The following SH3PXD2A variants were observed in gnomAD, a reference collection of about 807,000 sequenced individuals.
SH3PXD2A encodes SH3 and PX domains 2A.
SH3PXD2A carries 32 observed loss-of-function variants against 115.2 expected under a neutral mutation model. That is an observed-to-expected ratio of 0.28 (90% CI 0.21 to 0.37). The LOEUF is 0.37. SH3PXD2A is among the 10% of genes least tolerant of loss of function. The pLI, the probability that SH3PXD2A is intolerant of heterozygous loss-of-function variation, is 1.00. For synonymous variants in SH3PXD2A, 610 were observed against 629.1 expected, an observed-to-expected ratio of 0.97 and a Z score of 0.45; for missense variants, 1,328 against 1,498.7, an observed-to-expected ratio of 0.89 and a Z score of 1.88.
chr10:103,619,856 G>C lies in SH3PXD2A; in HGVS notation c.803-2542C>G, dbSNP rs533945010. Among the ~76,000 whole-genome samples the C allele has an allele frequency of 5.3e-5, 8 of 152,290 alleles. No individual in the cohort carries two copies. In the South Asian group the frequency reaches 1.7e-3, roughly 32 times the overall value. On this transcript the variant is annotated intron_variant, in intron 10 of 14. Coordinates refer to ENST00000369774, the MANE Select transcript of SH3PXD2A (RefSeq NM_001394015.1). The stretch of plus-strand genomic sequence containing the variant: ...CTGGATGGGAGGCTCGTCCTGCCCC[G>C]GTCACTGCACAGGTTGCAGGGATGA...
At chr10:103,673,580 A>C (rs1228970495) in intron 6 of SH3PXD2A, 2 of 152,164 alleles carry the variant, frequency 1.3e-5, no homozygotes, top group Non-Finnish European at 1.5e-5. Context: ...AATAAGTATA[A>C]AATAATTTTT....
At chr10:103,752,811 A>G (rs1234859346) in intron 3 of SH3PXD2A, among the ~76,000 whole-genome samples, 1 of 152,182 alleles carries the variant, frequency 6.6e-6, no homozygotes, top group Non-Finnish European at 1.5e-5. Flanking sequence ...GAGTTACTTC[A>G]TAGGTTTGGG....
chr10:103,805,562 C>T (rs920265992), intron 1 of SH3PXD2A, among the ~76,000 whole-genome samples: 5 of 152,230 alleles, frequency 3.3e-5, no homozygotes, highest in Non-Finnish European at 1.5e-5. Context: ...GAGCATCCCC[C>T]CTCGGAAAAG....
chr10:103,791,463 C>G (rs2039035721), intron 2 of SH3PXD2A, among the ~76,000 whole-genome samples: 1 of 152,214 alleles, frequency 6.6e-6, no homozygotes, highest in Non-Finnish European at 1.5e-5. Flanking sequence ...TCTGACAACT[C>G]CCAGCGGCTT....
In SH3PXD2A at chr10:103,601,721, AC is replaced by A. The variant is rs907950052; in HGVS notation, c.*94del. 3.5e-4 allele frequency: 44 copies of A among 125,242 alleles called. No individual in the cohort carries two copies. The highest frequency in any genetic ancestry group is 3.2e-4 in the Non-Finnish European group (21 of 65,048). 7.8% of individuals were successfully genotyped at this position (125,242 alleles called of 1,614,324 possible). ...GAATGTTGTCCACCCCCCACCCCCC[AC>A]CCCCATTTTTTCCTTTCCCTTTTGT... is the stretch of plus-strand genomic sequence containing the variant. On this transcript the variant is annotated 3_prime_UTR_variant, in exon 15 of 15. Coordinates refer to ENST00000369774, the MANE Select transcript of SH3PXD2A (RefSeq NM_001394015.1).
At chr10:103,625,191 C>G (rs575383423) in intron 9 of SH3PXD2A, among the ~76,000 whole-genome samples, 2 of 152,222 alleles carry the variant, frequency 1.3e-5, no homozygotes, top group African/African-American at 4.8e-5. Context: ...GGCATCTGTG[C>G]TCCACACCTC....
chr10:103,810,403 A>G (rs2039254543), intron 1 of SH3PXD2A, among the ~76,000 whole-genome samples: 1 of 152,200 alleles, frequency 6.6e-6, no homozygotes, highest in South Asian at 2.1e-4. Flanking sequence ...TCACGGAGGG[A>G]CAGTGCAAGA....
At chr10:103,692,025 G>A (rs1413671791) in intron 6 of SH3PXD2A, among the ~76,000 whole-genome samples, 1 of 152,160 alleles carries the variant, frequency 6.6e-6, no homozygotes, top group African/African-American at 2.4e-5. Flanking sequence ...TTGGGCACAG[G>A]AGCCATTCAC....
chr10:103,704,805 G>A (rs1190441334), intron 5 of SH3PXD2A, among the ~76,000 whole-genome samples: 1 of 152,172 alleles, frequency 6.6e-6, no homozygotes, highest in Non-Finnish European at 1.5e-5. Flanking sequence ...GAGGAGTCCT[G>A]TAAGATGCCA....
chr10:103,661,616 C>G, intron 7 of SH3PXD2A: 1 of 975,886 alleles, frequency 1.0e-6, no homozygotes, highest in Non-Finnish European at 1.2e-6. Context: ...GCTCCAGCCT[C>G]TGCCCCCAAC....
rs2036203769 is a variant in SH3PXD2A, at chr10:103,600,798, G to A, written c.*1018C>T. 1 of 152,186 alleles carries A rather than the reference G, an allele frequency of 6.6e-6. No homozygotes were observed. Among genetic ancestry groups the A allele is most frequent in the Admixed American group, 6.5e-5 (1 of 15,282 alleles). The allele number at this position is 152,186 out of a possible 1,614,324, so 9.4% of individuals were successfully genotyped here. The stretch of plus-strand genomic sequence containing the variant: ...CCACACAGTGGAAACCAAATGAAAC[G>A]ACTTTGGCTTGTGGAGGGGGAAGAA... On this transcript the variant is annotated 3_prime_UTR_variant, in exon 15 of 15. Coordinates refer to ENST00000369774, the MANE Select transcript of SH3PXD2A (RefSeq NM_001394015.1).
intron 1 of SH3PXD2A, among the ~76,000 whole-genome samples, chr10:103,820,885 G>A (rs1179466494): frequency 6.6e-6 from 1 of 152,288 alleles, no homozygotes; most frequent in African/African-American, 2.4e-5. Context: ...GGTCAGGGCC[G>A]GGGAGAAACA....
At chr10:103,629,595 C>G (rs973481007) in intron 8 of SH3PXD2A, among the ~76,000 whole-genome samples, 2 of 152,220 alleles carry the variant, frequency 1.3e-5, no homozygotes, top group Admixed American at 6.5e-5. Context: ...GAGCCCCCAC[C>G]TGACCTCTAC....
At chr10:103,800,199 C>T (rs551573075) in intron 2 of SH3PXD2A, among the ~76,000 whole-genome samples, 1 of 152,276 alleles carries the variant, frequency 6.6e-6, no homozygotes, top group South Asian at 2.1e-4. Context: ...GCTCAACTCA[C>T]ACTGATTCTC....
intron 1 of SH3PXD2A, among the ~76,000 whole-genome samples, chr10:103,805,134 C>T (rs2134269400): frequency 6.6e-6 from 1 of 152,370 alleles, no homozygotes; most frequent in Non-Finnish European, 1.5e-5. Context: ...GCTTAACACA[C>T]ATCCTCCATC....
rs1001257442 is a variant in SH3PXD2A, at chr10:103,710,677, T to C, written c.398+13593A>G. Among the ~76,000 whole-genome samples the C allele has an allele frequency of 2.6e-5, 4 of 152,168 alleles. No individual in the cohort carries two copies. In the South Asian group the frequency reaches 6.2e-4, roughly 24 times the overall value. On this transcript the variant is annotated intron_variant, in intron 5 of 14. Transcript: ENST00000369774. ...GGGAAGCCGGATGTTAAGGATTTAA[T>C]TACCTCTGTGGTATATGCCACAAGT...
intron 1 of SH3PXD2A, among the ~76,000 whole-genome samples, chr10:103,845,353 G>A (rs28420576): frequency 2.5e-4 from 32 of 129,926 alleles, no homozygotes; most frequent in Non-Finnish European, 3.4e-4. Context: ...AAAGAAAAAA[G>A]AAAAAGAAAA....
intron 6 of SH3PXD2A, among the ~76,000 whole-genome samples, chr10:103,669,794 C>T (rs1446568507): frequency 6.6e-6 from 1 of 152,250 alleles, no homozygotes; most frequent in African/African-American, 2.4e-5. Flanking sequence ...GCCCACCAGG[C>T]GCTTGCCAGG....
chr10:103,672,282 C>G (rs1286668192), intron 6 of SH3PXD2A, among the ~76,000 whole-genome samples: 1 of 152,138 alleles, frequency 6.6e-6, no homozygotes, highest in Admixed American at 6.5e-5. Flanking sequence ...GAGACTCTGT[C>G]TAAATAAATA....
Sources: gnomAD v4.1 joint callset for allele counts (sites outside exome capture counted in the v4.1 genomes callset) on GRCh38, gnomAD v4.1.1 for gene constraint, MANE v1.5 for transcripts, NCBI Gene and HGNC (gene_info 2026-07-23, HGNC 2026-07-21) for gene names.